Variants in LRP12 observed in about 807,000 individuals in gnomAD.
LRP12 encodes low-density lipoprotein receptor-related protein 12.
LRP12 carries 14 observed loss-of-function variants against 66.0 expected under a neutral mutation model. The ratio of observed to expected loss-of-function variants is 0.21; its 90% CI spans 0.14 to 0.33. The LOEUF is 0.33. Ranked by LOEUF, LRP12 falls within the 10% of genes least tolerant of loss-of-function variation. LRP12 has a pLI of 1.00. For missense variants in LRP12, 889 were observed against 1,053.4 expected (o/e 0.84, Z 2.16); for synonymous variants, 357 against 359.1 (o/e 0.99, Z 0.07).
Position 104,490,656 on chromosome 8 carries a change from C to A in LRP12, c.*17G>T. 6.3e-7 allele frequency: 1 copy of A among 1,590,756 alleles called. No individual in the cohort carries two copies. Among genetic ancestry groups the A allele is most frequent in the South Asian group, 1.2e-5 (1 of 86,040 alleles). Reference sequence around the variant, plus strand: ...ATTGCTCCAACTTGTATACAATCTCCCTTATGTGATTCGTACCTAACAAAG... The same window carrying A: ...ATTGCTCCAACTTGTATACAATCTCACTTATGTGATTCGTACCTAACAAAG... On this transcript the variant is annotated 3_prime_UTR_variant, in exon 7 of 7. Coordinates refer to ENST00000276654, the MANE Select transcript of LRP12 (RefSeq NM_013437.5).
chr8:104,543,402 C>T (rs1285115854), intron 1 of LRP12, among the ~76,000 whole-genome samples: 7 of 152,018 alleles, frequency 4.6e-5, no homozygotes. Context: ...ACTGTAATTG[C>T]TTTGAGGTGC....
At chr8:104,523,114 T>C (rs1811175670) in intron 2 of LRP12, among the ~76,000 whole-genome samples, 1 of 152,174 alleles carries the variant, frequency 6.6e-6, no homozygotes, top group Non-Finnish European at 1.5e-5. Flanking sequence ...GATATACAGT[T>C]GACCTTTGAA....
intron 1 of LRP12, among the ~76,000 whole-genome samples, chr8:104,563,474 T>C (rs565070090): frequency 4.6e-5 from 7 of 151,940 alleles, no homozygotes; most frequent in Admixed American, 2.0e-4. Context: ...TTATATATCA[T>C]TATTAACAAA....
intron 1 of LRP12, among the ~76,000 whole-genome samples, chr8:104,543,154 C>T (rs527789464): frequency 5.9e-4 from 90 of 151,896 alleles, no homozygotes; most frequent in Non-Finnish European, 1.1e-3. Flanking sequence ...TTTTATTGCA[C>T]TTTGCTTTAT....
chr8:104,584,630 G>GT (rs1328803657), intron 1 of LRP12, among the ~76,000 whole-genome samples: 1 of 147,748 alleles, frequency 6.8e-6, no homozygotes, highest in African/African-American at 2.6e-5. Flanking sequence ...CTAGAATACA[G>GT]TTAACAGTGC....
chr8:104,508,711 A>G (rs1810944775), intron 3 of LRP12: 1 of 398,174 alleles, frequency 2.5e-6, no homozygotes, highest in Admixed American at 3.9e-5. Context: ...TTAGAAGAAT[A>G]TAGATGATTC....
chr8:104,548,181 A>ACATAT (rs1368543528), intron 1 of LRP12, among the ~76,000 whole-genome samples: 1 of 101,448 alleles, frequency 9.9e-6, no homozygotes, highest in African/African-American at 4.4e-5. Context: ...AATATAATAT[A>ACATAT]TAATATATAT....
chr8:104,511,905 CT>C (rs534221934), intron 2 of LRP12, among the ~76,000 whole-genome samples: 86 of 143,908 alleles, frequency 6.0e-4, no homozygotes, highest in Admixed American at 1.2e-3. Context: ...TTCTTTTTTT[CT>C]TTTTTTTTTT....
chr8:104,588,925 G>T lies in LRP12; in HGVS notation c.-28C>A, dbSNP rs1385928494. 6.5e-7 allele frequency: 1 copy of T among 1,546,866 alleles called. No homozygotes were observed. The highest frequency in any genetic ancestry group is 1.2e-5 in the South Asian group (1 of 85,390). ...CCACAGCAGATGGAGAGAGAGAGGA[G>T]GAGACGGAGGAGGAGGGAGGAGAAG... On this transcript the variant is annotated 5_prime_UTR_variant, in exon 1 of 7. Coordinates refer to ENST00000276654, the MANE Select transcript of LRP12 (RefSeq NM_013437.5).
rs1812389184 is a variant in LRP12 at position 104,588,975 on chromosome 8, G to GA, written c.-79_-78insT. The GA allele has an allele frequency of 4.6e-6, 3 of 658,232 alleles. No individual in the cohort carries two copies. Among genetic ancestry groups the GA allele is most frequent in the Non-Finnish European group, 7.1e-6 (3 of 423,528 alleles). The allele number at this position is 658,232 out of a possible 1,614,324, so 40.8% of individuals were successfully genotyped here. ...GCTGGAGGTAGACGACGCCGACGCC[G>GA]CCGCCGCCGCCGCCGCCGCCGCCGA... On this transcript the variant is annotated 5_prime_UTR_variant, in exon 1 of 7. Transcript: ENST00000276654.
chr8:104,496,154 G>A (rs924319471), intron 5 of LRP12: 3 of 152,148 alleles, frequency 2.0e-5, no homozygotes, highest in Non-Finnish European at 4.4e-5. Context: ...TACTCACTCT[G>A]AAGGTCACTC....
chr8:104,510,583 C>A (rs77940777), intron 2 of LRP12, among the ~76,000 whole-genome samples: 490 of 152,106 alleles, frequency 3.2e-3, no homozygotes, highest in Non-Finnish European at 5.0e-3. Flanking sequence ...GATGTTTAAG[C>A]CTTTAGTAGA....
chr8:104,564,563 T>C (rs1483356474), intron 1 of LRP12, among the ~76,000 whole-genome samples: 2 of 151,398 alleles, frequency 1.3e-5, no homozygotes, highest in African/African-American at 2.4e-5. Context: ...GAGGGAGTAA[T>C]CAGGGGAGAT....
At chr8:104,506,942 A>G (rs1810919461) in intron 3 of LRP12, 1 of 152,102 alleles carries the variant, frequency 6.6e-6, no homozygotes, top group South Asian at 2.1e-4. Flanking sequence ...TAAAATTTTT[A>G]TTTTAAATTC....
At chr8:104,509,160 A>G (rs1351256973) in intron 2 of LRP12, 86 bp from the exon 3 acceptor site, 1 of 1,214,338 alleles carries the variant, frequency 8.2e-7, no homozygotes, top group African/African-American at 1.5e-5. Context: ...TAAAAACCAA[A>G]AAACTTTACA....
At chr8:104,548,286 A>G (rs1373143401) in intron 1 of LRP12, among the ~76,000 whole-genome samples, 2 of 80,234 alleles carry the variant, frequency 2.5e-5, no homozygotes, top group East Asian at 6.3e-4. Context: ...ATATTAATAT[A>G]TCATATATTT....
intron 3 of LRP12, chr8:104,507,178 T>G (rs1421568892): frequency 6.6e-6 from 1 of 152,206 alleles, no homozygotes; most frequent in Non-Finnish European, 1.5e-5. Flanking sequence ...CTTGTCTTTG[T>G]GTATATGCAG....
intron 1 of LRP12, among the ~76,000 whole-genome samples, chr8:104,565,782 A>C (rs1267239161): frequency 6.6e-6 from 1 of 150,836 alleles, no homozygotes; most frequent in Non-Finnish European, 1.5e-5. Context: ...AGTGGCGTGA[A>C]CTCGGGAGGC....
At chr8:104,527,487 G>C (rs1395393064) in intron 2 of LRP12, among the ~76,000 whole-genome samples, 1 of 150,856 alleles carries the variant, frequency 6.6e-6, no homozygotes, top group Non-Finnish European at 1.5e-5. Flanking sequence ...ATACACCATG[G>C]AATACTATGC....
Sources: gnomAD v4.1 joint callset for allele counts (sites outside exome capture counted in the v4.1 genomes callset) on GRCh38, gnomAD v4.1.1 for gene constraint, MANE v1.5 for transcripts, NCBI Gene and HGNC (gene_info 2026-07-23, HGNC 2026-07-21) for gene names.